The following RIN2 variants were observed in gnomAD, a reference collection of about 807,000 sequenced individuals.
RIN2 encodes the protein Ras and Rab interactor 2.
Under a neutral mutation model 78.0 loss-of-function variants are expected in RIN2, and 36 were observed. The ratio of observed to expected loss-of-function variants is 0.46; its 90% CI spans 0.35 to 0.61. The LOEUF (loss-of-function observed/expected upper bound fraction) is 0.61, where lower values mean the gene tolerates loss of function less well. Ranked by LOEUF, RIN2 falls within the 20% of genes least tolerant of loss-of-function variation. RIN2 has a pLI of 0.00. For synonymous variants in RIN2, 466 were observed against 466.8 expected (o/e 1.00, Z 0.02); for missense variants, 1,087 against 1,159.7 (o/e 0.94, Z 0.91).
chr20:19,853,928 G>T lies in RIN2; in HGVS notation c.-36-35638G>T, dbSNP rs868455069. 7.2e-3 allele frequency among the ~76,000 whole-genome samples: 1,101 copies of T among 152,236 alleles called. 11 individuals are homozygous for T. Among genetic ancestry groups the T allele is most frequent in the South Asian group, 0.044 (210 of 4,820 alleles). ...TTTGGCTTTTGTTGCCATTGCTTTT[G>T]GTGTTTTAGTCATGAAGTCGTTGCC... On this transcript the variant is annotated intron_variant, in intron 2 of 12. Transcript: ENST00000255006.
chr20:19,900,917 T>C (rs1171247759), intron 3 of RIN2, among the ~76,000 whole-genome samples: 5 of 126,720 alleles, frequency 3.9e-5, no homozygotes, highest in Non-Finnish European at 7.8e-5. Flanking sequence ...ACCATTGCAC[T>C]CTGGCCTGGG....
rs1016712566 is a variant in RIN2 at position 19,825,746 on chromosome 20, G to A, written c.-37+25999G>A. Among the ~76,000 whole-genome samples the A allele has an allele frequency of 4.6e-5, 7 of 152,222 alleles. No homozygotes were observed. The East Asian group carries it at 9.6e-4, about 21-fold the overall frequency. ...AGCTTCAAACAAAAGATGCTCTCAC[G>A]TGTGTTTCTAGTAGGCTGCACCTTG... On this transcript the variant is annotated intron_variant, in intron 2 of 12. Transcript: ENST00000255006.
intron 2 of RIN2, among the ~76,000 whole-genome samples, chr20:19,812,875 A>G (rs952483673): frequency 2.0e-5 from 3 of 152,244 alleles, no homozygotes; most frequent in Non-Finnish European, 4.4e-5. Flanking sequence ...GGGTAAAGAA[A>G]GACATGAGAG....
At chr20:19,958,711 A>G (rs942585596) in intron 5 of RIN2, among the ~76,000 whole-genome samples, 4 of 152,226 alleles carry the variant, frequency 2.6e-5, no homozygotes, top group African/African-American at 7.2e-5. Context: ...TCTACTAAAA[A>G]TACACAAGTT....
intron 7 of RIN2, among the ~76,000 whole-genome samples, chr20:19,968,209 C>A (rs2041997363): frequency 6.6e-6 from 1 of 152,204 alleles, no homozygotes; most frequent in Non-Finnish European, 1.5e-5. Flanking sequence ...GTTCCAGGCC[C>A]CACACGAGTT....
At chr20:19,917,257 T>G (rs2039724570) in intron 3 of RIN2, among the ~76,000 whole-genome samples, 1 of 152,138 alleles carries the variant, frequency 6.6e-6, no homozygotes, top group Admixed American at 6.6e-5. Flanking sequence ...TCCTTTGTTT[T>G]ACCAAGAATT....
At chr20:19,904,237 AAAAATATATATATATATATATAT>A (rs1441221201) in intron 3 of RIN2, among the ~76,000 whole-genome samples, 2 of 95,088 alleles carry the variant, frequency 2.1e-5, no homozygotes, top group African/African-American at 3.2e-5. Context: ...GTCTCAAAAA[AAAAATATATATATATATATATAT>A]AAAATATATA....
chr20:19,844,676 CTT>C (rs2036712724), intron 2 of RIN2, among the ~76,000 whole-genome samples: 3 of 67,594 alleles, frequency 4.4e-5, no homozygotes, highest in African/African-American at 6.2e-5. Flanking sequence ...CTTCCTTCTT[CTT>C]CTTCTTCCTC....
intron 9 of RIN2, among the ~76,000 whole-genome samples, chr20:19,988,002 C>G (rs1288111966): frequency 6.6e-6 from 1 of 152,130 alleles, no homozygotes; most frequent in African/African-American, 2.4e-5. Flanking sequence ...ATTGTTTGTA[C>G]CTCTGCGTTA....
chr20:19,861,907 C>T (rs773378484), intron 2 of RIN2, among the ~76,000 whole-genome samples: 4 of 151,990 alleles, frequency 2.6e-5, no homozygotes, highest in Non-Finnish European at 5.9e-5. Context: ...ATGTGATCAC[C>T]CTCCATATCT....
intron 1 of RIN2, among the ~76,000 whole-genome samples, chr20:19,786,544 C>T (rs1451499640): frequency 6.6e-6 from 1 of 152,214 alleles, no homozygotes; most frequent in African/African-American, 2.4e-5. Flanking sequence ...ACATTTGAGA[C>T]TCTGAGCCAG....
chr20:19,817,502 T>C (rs1284451361), intron 2 of RIN2, among the ~76,000 whole-genome samples: 1 of 151,856 alleles, frequency 6.6e-6, no homozygotes, highest in Non-Finnish European at 1.5e-5. Context: ...TTTCAATGTA[T>C]AAATTTGGGG....
intron 4 of RIN2, among the ~76,000 whole-genome samples, chr20:19,955,088 C>G (rs914063732): frequency 3.3e-5 from 5 of 152,174 alleles, no homozygotes; most frequent in African/African-American, 7.2e-5. Flanking sequence ...AACCTGGTAC[C>G]TGTTTGCAAT....
At chr20:19,772,397 CCT>C (rs1425268723) in intron 1 of RIN2, among the ~76,000 whole-genome samples, 4 of 152,184 alleles carry the variant, frequency 2.6e-5, no homozygotes, top group African/African-American at 4.8e-5. Flanking sequence ...CGATGACCCC[CCT>C]GTTTTCAAAT....
intron 3 of RIN2, among the ~76,000 whole-genome samples, chr20:19,904,810 T>C (rs911923047): frequency 6.6e-6 from 1 of 152,174 alleles, no homozygotes; most frequent in Non-Finnish European, 1.5e-5. Context: ...TCTCCATCCA[T>C]CAACCAAGAA....
At position 19,783,247 on chromosome 20, in the gene RIN2, A is replaced by G. The variant is rs79156034; in HGVS notation, c.-162-16375A>G. ...TATTCATACGGTTTTCTCAAACTAAATTCCTGCTCATTTATTAATCCCACA... is the reference window on the plus strand; with the variant it reads ...TATTCATACGGTTTTCTCAAACTAAGTTCCTGCTCATTTATTAATCCCACA... On this transcript the variant is annotated intron_variant, in intron 1 of 12. Coordinates refer to ENST00000255006, the MANE Select transcript of RIN2 (RefSeq NM_018993.4). Among the ~76,000 whole-genome samples, 556 of 152,342 alleles carry G rather than the reference A, an allele frequency of 3.6e-3. 4 individuals carry two copies. Among genetic ancestry groups the G allele is most frequent in the South Asian group, 0.011 (51 of 4,832 alleles).
intron 1 of RIN2, among the ~76,000 whole-genome samples, chr20:19,779,298 TA>T (rs370305720): frequency 7.8e-5 from 11 of 141,840 alleles, no homozygotes; most frequent in East Asian, 6.2e-4. Context: ...AAGCACAGAT[TA>T]AAAAAAAAAT....
At chr20:19,787,667 A>C (rs2034727894) in intron 1 of RIN2, among the ~76,000 whole-genome samples, 1 of 152,180 alleles carries the variant, frequency 6.6e-6, no homozygotes, top group Non-Finnish European at 1.5e-5. Context: ...ATGAAATAAT[A>C]GACATAAATG....
At chr20:19,841,145 T>A (rs1169683588) in intron 2 of RIN2, among the ~76,000 whole-genome samples, 1 of 152,064 alleles carries the variant, frequency 6.6e-6, no homozygotes, top group Non-Finnish European at 1.5e-5. Flanking sequence ...TTCACAGATG[T>A]GAACATAGCA....
Sources: allele counts gnomAD v4.1 joint callset (sites outside exome capture counted in the v4.1 genomes callset), GRCh38; gene constraint gnomAD v4.1.1; transcripts MANE v1.5; gene names NCBI Gene and HGNC (gene_info 2026-07-23, HGNC 2026-07-21).